Variants in GATAD2A observed in about 807,000 individuals in gnomAD.
GATAD2A encodes the protein transcriptional repressor p66-alpha.
Under a neutral mutation model 68.5 loss-of-function variants are expected in GATAD2A, and 12 were observed. The observed-to-expected ratio is 0.18, with a 90% CI of 0.11 to 0.28. The LOEUF is 0.28. GATAD2A is among the 10% of genes least tolerant of loss of function. The pLI is 1.00. For synonymous variants in GATAD2A, 410 were observed against 375.3 expected, an observed-to-expected ratio of 1.09 and a Z score of -1.07; for missense variants, 755 against 868.5, an observed-to-expected ratio of 0.87 and a Z score of 1.64.
rs941476794 is a variant in GATAD2A at position 19,505,755 on chromosome 19, C to A, written c.*281C>A. 6 of 468,920 alleles carry A rather than the reference C, an allele frequency of 1.3e-5. No individual in the cohort carries two copies. The highest frequency in any genetic ancestry group is 2.2e-5 in the Non-Finnish European group (6 of 268,998). 29.0% of individuals were successfully genotyped at this position (468,920 alleles called of 1,614,324 possible). On this transcript the variant is annotated 3_prime_UTR_variant, in exon 12 of 12. Coordinates refer to ENST00000683918, the MANE Select transcript of GATAD2A (RefSeq NM_001384528.1). ...CTCTTTGCCTTTAGTTTGCCCGACA[C>A]CAGCAGAAAAGTGGACCTTGGGGGC... is the stretch of plus-strand genomic sequence containing the variant.
Position 19,505,604 on chromosome 19 carries a change from A to G in GATAD2A, c.*130A>G, listed in dbSNP as rs1444985196. 1 of 806,154 alleles carries G rather than the reference A, an allele frequency of 1.2e-6. No homozygotes were observed. The highest frequency in any genetic ancestry group is 1.9e-6 in the Non-Finnish European group (1 of 538,982). 49.9% of individuals were successfully genotyped at this position (806,154 alleles called of 1,614,324 possible). ...CCCGCCCCAAGAGCAAGCACCGGCC[A>G]TGCTGCAGAGGCAAGACCTCAATTC... On this transcript the variant is annotated 3_prime_UTR_variant, in exon 12 of 12. Transcript: ENST00000683918.
intron 7 of GATAD2A, 46 bp downstream of exon 7, chr19:19,496,265 T>G: frequency 2.6e-6 from 4 of 1,543,414 alleles, no homozygotes; most frequent in Non-Finnish European, 3.6e-6. Flanking sequence ...GTGTCCCACC[T>G]GTGACTGCTC....
chr19:19,467,583 G>C lies in GATAD2A; in HGVS notation c.269+1969G>C, dbSNP rs192942329. 6.5e-4 allele frequency among the ~76,000 whole-genome samples: 99 copies of C among 152,282 alleles called. 3 individuals carry two copies. Among genetic ancestry groups the C allele is most frequent in the African/African-American group, 2.2e-3 (92 of 41,542 alleles). On this transcript the variant is annotated intron_variant, in intron 2 of 11. Coordinates refer to ENST00000683918, the MANE Select transcript of GATAD2A (RefSeq NM_001384528.1). ...TTTACCCATATTGTTGTGCATACCA[G>C]TAGTTAATCCATTTTCATTGCTGTA...
chr19:19,410,217 G>C (rs1438600446), intron 1 of GATAD2A, among the ~76,000 whole-genome samples: 1 of 152,110 alleles, frequency 6.6e-6, no homozygotes. Flanking sequence ...AAGGGCTGAA[G>C]ACCTGCAATT....
chr19:19,429,682 G>A (rs1340501037), intron 1 of GATAD2A, among the ~76,000 whole-genome samples: 1 of 151,842 alleles, frequency 6.6e-6, no homozygotes, highest in Non-Finnish European at 1.5e-5. Flanking sequence ...ACAGGCAGGG[G>A]CAGACCAGGG....
chr19:19,435,138 G>A (rs2054186281), intron 1 of GATAD2A: 1 of 532,236 alleles, frequency 1.9e-6, no homozygotes, highest in Admixed American at 1.9e-5. Flanking sequence ...CCAGGAACCT[G>A]CCTCTACGGT....
intron 1 of GATAD2A, among the ~76,000 whole-genome samples, chr19:19,445,537 C>G (rs1286448410): frequency 6.6e-6 from 1 of 152,166 alleles, no homozygotes; most frequent in African/African-American, 2.4e-5. Flanking sequence ...ACCCCCACCC[C>G]AAAAGAAACC....
At chr19:19,498,764 CT>C (rs2060317308) in intron 8 of GATAD2A, 42 bp downstream of exon 8, 1 of 1,541,632 alleles carries the variant, frequency 6.5e-7, no homozygotes, top group African/African-American at 1.4e-5. Context: ...CGCCTCTGGC[CT>C]CCAAGGGTGC....
At chr19:19,400,797 A>T (rs558431199), upstream of GATAD2A, among the ~76,000 whole-genome samples, 1 of 152,256 alleles carries the variant, frequency 6.6e-6, no homozygotes, top group Non-Finnish European at 1.5e-5. Flanking sequence ...TTGTTGTTAT[A>T]TTGTCCCTAA....
intron 2 of GATAD2A, among the ~76,000 whole-genome samples, chr19:19,469,070 T>A (rs1356409748): frequency 6.6e-6 from 1 of 152,172 alleles, no homozygotes; most frequent in African/African-American, 2.4e-5. Context: ...TTATATAGAT[T>A]GTGATTAAGA....
At chr19:19,503,079 C>G (rs543912195) in intron 11 of GATAD2A, among the ~76,000 whole-genome samples, 2 of 152,136 alleles carry the variant, frequency 1.3e-5, no homozygotes, top group African/African-American at 4.8e-5. Flanking sequence ...GTGGGCTCTC[C>G]GGAGTCAGGT....
chr19:19,454,729 C>CG (rs917740664), intron 1 of GATAD2A, among the ~76,000 whole-genome samples: 21 of 52,544 alleles, frequency 4.0e-4, no homozygotes, highest in African/African-American at 1.6e-3. Context: ...AGCCACTGTG[C>CG]CCCCCCCCAC....
intron 11 of GATAD2A, among the ~76,000 whole-genome samples, chr19:19,503,100 C>CG (rs2060650179): frequency 1.3e-5 from 2 of 152,330 alleles, no homozygotes; most frequent in South Asian, 2.1e-4. Context: ...GCGGCCCCAC[C>CG]GTCCCTGGCA....
chr19:19,422,453 A>G (rs1442971310), intron 1 of GATAD2A, among the ~76,000 whole-genome samples: 1 of 152,070 alleles, frequency 6.6e-6, no homozygotes, highest in Non-Finnish European at 1.5e-5. Flanking sequence ...TCCACCTGGC[A>G]CCTGCTTTCC....
chr19:19,472,106 A>G (rs939861563), intron 2 of GATAD2A, among the ~76,000 whole-genome samples: 92 of 152,190 alleles, frequency 6.0e-4, no homozygotes, highest in Admixed American at 2.0e-4. Flanking sequence ...TATGTTCCCC[A>G]GACTGGTCCT....
At chr19:19,495,709 G>A (rs77651686) in intron 5 of GATAD2A, 45 bp from the exon 6 acceptor site, 5 of 1,542,704 alleles carry the variant, frequency 3.2e-6, no homozygotes, top group Non-Finnish European at 4.4e-6. Flanking sequence ...AAAAAGTGTG[G>A]GGGGGTCCGG....
chr19:19,465,474 C>G lies in GATAD2A; in HGVS notation c.129C>G (p.Asp43Glu). The stretch of plus-strand genomic sequence containing the variant: ...TGTTGGCTTCAGATTTAAACACTGA[C>G]GGAGACATGAGGGTGACACCTGAGC... ...RGLLASDLNTDGDMRVTPEPG... is the reference protein window; with the variant it reads ...RGLLASDLNTEGDMRVTPEPG... The change falls in exon 2 of 12, where the codon GAC becomes GAG. Residue 43 changes from aspartate to glutamate, a missense_variant. Physicochemically the swap from Asp to Glu is conservative, Grantham distance 45. Coordinates refer to ENST00000683918, the MANE Select transcript of GATAD2A (RefSeq NM_001384528.1). 2 of 1,613,894 alleles carry G rather than the reference C, an allele frequency of 1.2e-6. No individual in the cohort carries two copies. Among genetic ancestry groups the G allele is most frequent in the Non-Finnish European group, 1.7e-6 (2 of 1,179,772 alleles).
intron 1 of GATAD2A, among the ~76,000 whole-genome samples, chr19:19,433,282 G>C (rs1459759831): frequency 1.3e-5 from 2 of 152,146 alleles, no homozygotes; most frequent in African/African-American, 4.8e-5. Context: ...CCACATGCGT[G>C]CATCTATTTT....
chr19:19,418,831 G>T (rs2051975837), intron 1 of GATAD2A, among the ~76,000 whole-genome samples: 1 of 152,148 alleles, frequency 6.6e-6, no homozygotes, highest in Non-Finnish European at 1.5e-5. Context: ...GAGTGGGGAG[G>T]GGTTGTGGTC....
Sources: gnomAD v4.1 joint callset for allele counts (sites outside exome capture counted in the v4.1 genomes callset) on GRCh38, gnomAD v4.1.1 for gene constraint, MANE v1.5 for transcripts, NCBI Gene and HGNC (gene_info 2026-07-23, HGNC 2026-07-21) for gene names.